The following GABBR1 variants were observed in gnomAD, a reference collection of about 807,000 sequenced individuals.
The protein encoded by GABBR1 is gamma-aminobutyric acid type B receptor subunit 1.
A neutral mutation model predicts 117.7 loss-of-function variants in GABBR1; 35 were observed. The observed-to-expected ratio is 0.30, with a 90% confidence interval of 0.23 to 0.39. The LOEUF (loss-of-function observed/expected upper bound fraction) is 0.39. Among genes scored for constraint, GABBR1 ranks in the 10% least tolerant of loss-of-function variants. GABBR1 has a pLI of 1.00. For missense variants in GABBR1, 709 were observed against 1,241.8 expected (o/e 0.57, Z 6.45); for synonymous variants, 442 against 486.6 (o/e 0.91, Z 1.21).
rs1454675802 is a variant in GABBR1 at position 29,627,093 on chromosome 6, C to T, written c.657+393G>A. On this transcript the variant is annotated intron_variant, in intron 6 of 22. Coordinates refer to ENST00000377034, the MANE Select transcript of GABBR1 (RefSeq NM_001470.4). This position sits in a 1 kb window ranked among gnomAD's most constrained non-coding sequence, Gnocchi z 4.4. ...TTGTTACCATGGTAAATGTAAACCC[C>T]CAATCCAGCTCCCCACCTCTGACAT... Among the ~76,000 whole-genome samples, 1 of 152,128 alleles carries T rather than the reference C, an allele frequency of 6.6e-6. No individual in the cohort carries two copies.
At chr6:29,615,886 G>C (rs1053305034) in intron 11 of GABBR1, among the ~76,000 whole-genome samples, 7 of 151,976 alleles carry the variant, frequency 4.6e-5, no homozygotes, top group Admixed American at 2.0e-4. Context: ...GGCCAACATG[G>C]TGAAACCCTG....
At position 29,621,437 on chromosome 6, in the gene GABBR1, G is replaced by A; in HGVS notation, c.1132-145C>T. On this transcript the variant is annotated intron_variant, in intron 10 of 22. Transcript: ENST00000377034. This position sits in a 1 kb window ranked among gnomAD's most constrained non-coding sequence, Gnocchi z 5.0. ...AATCTACAAGTCTTGGGGATAGTAGGAAAGGCTGACAATTCTTCCTTCTAA... is the reference window on the plus strand; with the variant it reads ...AATCTACAAGTCTTGGGGATAGTAGAAAAGGCTGACAATTCTTCCTTCTAA... 1.4e-6 allele frequency: 1 copy of A among 720,258 alleles called. No homozygotes were observed. The highest frequency in any genetic ancestry group is 2.3e-6 in the Non-Finnish European group (1 of 441,892). 44.6% of individuals were successfully genotyped at this position (720,258 alleles called of 1,614,324 possible). A position where few individuals can be genotyped will look rare whatever the true frequency, so the allele number is the denominator to read the frequency against.
In GABBR1 at chr6:29,623,011, C is replaced by G. The variant is rs548440121; in HGVS notation, c.963+294G>C. Among the ~76,000 whole-genome samples the G allele has an allele frequency of 2.0e-5, 3 of 152,176 alleles. No individual in the cohort carries two copies. The highest frequency in any genetic ancestry group is 2.9e-5 in the Non-Finnish European group (2 of 68,020). On this transcript the variant is annotated intron_variant, in intron 8 of 22. Coordinates refer to ENST00000377034, the MANE Select transcript of GABBR1 (RefSeq NM_001470.4). The surrounding 1 kb of genome is among the most constrained non-coding windows in gnomAD (Gnocchi z 6.2). Reference sequence around the variant, plus strand: ...CATCTTCGCTCCCATCTCTTGCCCCCACTTTGGATTGAACCTACTTTAACA... The same window carrying G: ...CATCTTCGCTCCCATCTCTTGCCCCGACTTTGGATTGAACCTACTTTAACA...
intron 6 of GABBR1, 187 bp from the exon 7 acceptor site, chr6:29,624,211 A>C: frequency 5.4e-6 from 3 of 553,548 alleles, no homozygotes; most frequent in East Asian, 3.1e-5. Flanking sequence ...CTTTCATTAA[A>C]CTTCCTTCTC....
Position 29,623,302 on chromosome 6 carries a change from C to T in GABBR1, c.963+3G>A. 6.2e-7 allele frequency: 1 copy of T among 1,612,110 alleles called. No homozygotes were observed. The highest frequency in any genetic ancestry group is 8.5e-7 in the Non-Finnish European group (1 of 1,178,434). The stretch of plus-strand genomic sequence containing the variant: ...CTTTACCCCTTGCCCAACCCCTCCT[C>T]ACCGAAGTGAAGACCTCAGTGGTCT... On this transcript the variant is annotated splice_donor_region_variant and intron_variant, in intron 8 of 22. Transcript: ENST00000377034. The surrounding 1 kb of genome is among the most constrained non-coding windows in gnomAD (Gnocchi z 6.2).
chr6:29,632,158 T>A lies in GABBR1; in HGVS notation c.85+143A>T, dbSNP rs1273218619. On this transcript the variant is annotated intron_variant, in intron 2 of 22. Transcript: ENST00000377034. This position sits in a 1 kb window ranked among gnomAD's most constrained non-coding sequence, Gnocchi z 5.8. ...GGTGACAGAAGGAGGTCAGCAGTAG[T>A]AAAGTCGGGCCGAGCAGAAGGGGTT... 5.9e-6 allele frequency: 3 copies of A among 508,608 alleles called. No homozygotes were observed. The highest frequency in any genetic ancestry group is 1.0e-5 in the Non-Finnish European group (3 of 289,776). 31.5% of individuals were successfully genotyped at this position (508,608 alleles called of 1,614,324 possible).
intron 11 of GABBR1, among the ~76,000 whole-genome samples, chr6:29,616,862 A>G (rs1210306796): frequency 1.3e-5 from 2 of 150,742 alleles, no homozygotes; most frequent in Non-Finnish European, 3.0e-5. Context: ...AAAAAAAAAA[A>G]AAAGGCTGGG....
chr6:29,619,147 G>A (rs546457624), intron 11 of GABBR1, among the ~76,000 whole-genome samples: 17 of 152,266 alleles, frequency 1.1e-4, no homozygotes, highest in East Asian at 3.9e-4. Context: ...TGGTTCTGAC[G>A]GATGTTAAAG....
chr6:29,628,178 C>T, intron 5 of GABBR1: 1 of 226,364 alleles, frequency 4.4e-6, no homozygotes, highest in South Asian at 2.2e-4. Flanking sequence ...GAGCGACAGT[C>T]GGAGGGGCGG....
At chr6:29,625,470 G>A (rs1308470515) in intron 6 of GABBR1, among the ~76,000 whole-genome samples, 1 of 152,056 alleles carries the variant, frequency 6.6e-6, no homozygotes, top group African/African-American at 2.4e-5. Context: ...TCTTGCAACC[G>A]TTTCCCTCTT....
intron 5 of GABBR1, chr6:29,628,179 G>C (rs1248295891): frequency 4.8e-5 from 35 of 731,598 alleles, no homozygotes; most frequent in South Asian, 6.4e-5. Flanking sequence ...AGCGACAGTC[G>C]GAGGGGCGGG....
At chr6:29,624,492 A>T (rs2127437593) in intron 6 of GABBR1, among the ~76,000 whole-genome samples, 1 of 151,964 alleles carries the variant, frequency 6.6e-6, no homozygotes, top group South Asian at 2.1e-4. Flanking sequence ...CCTTCTCCCC[A>T]CCTTCCATTT....
chr6:29,630,946 G>A lies in GABBR1; in HGVS notation c.290-303C>T, dbSNP rs189670323. ...TTCTCTGGCTTTGAAATATGTAGAT[G>A]TATATAACTTTGGATGCACAATCAG... On this transcript the variant is annotated intron_variant, in intron 3 of 22. Coordinates refer to ENST00000377034, the MANE Select transcript of GABBR1 (RefSeq NM_001470.4). The surrounding 1 kb of genome is among the most constrained non-coding windows in gnomAD (Gnocchi z 4.9). Among the ~76,000 whole-genome samples, 1 of 152,300 alleles carries A rather than the reference G, an allele frequency of 6.6e-6. No homozygotes were observed. The highest frequency in any genetic ancestry group is 1.9e-4 in the East Asian group (1 of 5,190).
In GABBR1 at chr6:29,620,992, C is replaced by T. The variant is rs114869753; in HGVS notation, c.1323+109G>A. On this transcript the variant is annotated intron_variant, in intron 11 of 22. Transcript: ENST00000377034. This position sits in a 1 kb window ranked among gnomAD's most constrained non-coding sequence, Gnocchi z 4.5. ...CAGGGTGGGCACAGCCCCCTCTTCT[C>T]CTTTATATCCAAATTCCGCACCCTC... 340 of 888,300 alleles carry T rather than the reference C, an allele frequency of 3.8e-4. No homozygotes were observed. In the African/African-American group the frequency reaches 5.0e-3, roughly 13 times the overall value. 55.0% of individuals were successfully genotyped at this position (888,300 alleles called of 1,614,324 possible). A position where few individuals can be genotyped will look rare whatever the true frequency, so the allele number is the denominator to read the frequency against.
At position 29,606,700 on chromosome 6, in the gene GABBR1, C is replaced by G. The variant is rs1347140538; in HGVS notation, c.2217+197G>C. 1.3e-5 allele frequency: 8 copies of G among 630,758 alleles called. No homozygotes were observed. The highest frequency in any genetic ancestry group is 7.4e-4 in the Middle Eastern group (2 of 2,688). The allele number at this position is 630,758 out of a possible 1,614,324, so 39.1% of individuals were successfully genotyped here. A position where few individuals can be genotyped will look rare whatever the true frequency, so the allele number is the denominator to read the frequency against. On this transcript the variant is annotated intron_variant, in intron 18 of 22. Transcript: ENST00000377034. This position sits in a 1 kb window ranked among gnomAD's most constrained non-coding sequence, Gnocchi z 4.5. The stretch of plus-strand genomic sequence containing the variant: ...AAGTTCTACACACCCTTCCCAGATT[C>G]CCACCCCTTCCTTTCTTCAGCTGAA...
rs1762329751 is a variant in GABBR1, at chr6:29,609,607, A to T, written c.1709-228T>A. Among the ~76,000 whole-genome samples, 1 of 152,106 alleles carries T rather than the reference A, an allele frequency of 6.6e-6. No individual in the cohort carries two copies. On this transcript the variant is annotated intron_variant, in intron 14 of 22. Transcript: ENST00000377034. The surrounding 1 kb of genome is among the most constrained non-coding windows in gnomAD (Gnocchi z 4.3). ...AACCAGAAATGAGATGAGAAGATGG[A>T]GTGAATGGTCTATCCATAGGTTGGG...
rs1367671023 is a variant in GABBR1, at chr6:29,603,674, G to A, written c.2755C>T (p.Arg919Trp). 1.3e-6 allele frequency: 2 copies of A among 1,513,056 alleles called. No individual in the cohort carries two copies. Among genetic ancestry groups the A allele is most frequent in the Non-Finnish European group, 1.8e-6 (2 of 1,134,290 alleles). The allele number at this position is 1,513,056 out of a possible 1,614,324, so 93.7% of individuals were successfully genotyped here. Residue 919 changes from arginine to tryptophan, a missense_variant, in exon 23 of 23, where the codon CGG becomes TGG. By Grantham distance (101) the Arg-to-Trp change is moderately radical. This residue lies in a region of GABBR1 where 69 missense variants were observed against 64.3 expected (regional missense o/e 1.07). Coordinates refer to ENST00000377034, the MANE Select transcript of GABBR1 (RefSeq NM_001470.4). Reference sequence around the variant, plus strand: ...TGGCGCCGGGAGCGGAGCTGCTGCCGAGACTGGAGTTGATGGCGCAGTTCA... The same window carrying A: ...TGGCGCCGGGAGCGGAGCTGCTGCCAAGACTGGAGTTGATGGCGCAGTTCA... ...VSELRHQLQS[R>W]QQLRSRRHPP...
At position 29,621,935 on chromosome 6, in the gene GABBR1, A is replaced by G; in HGVS notation, c.1066-118T>C. 1 of 1,104,968 alleles carries G rather than the reference A, an allele frequency of 9.1e-7. No individual in the cohort carries two copies. Among genetic ancestry groups the G allele is most frequent in the Non-Finnish European group, 1.4e-6 (1 of 737,576 alleles). The allele number at this position is 1,104,968 out of a possible 1,614,324, so 68.4% of individuals were successfully genotyped here. A position where few individuals can be genotyped will look rare whatever the true frequency, so the allele number is the denominator to read the frequency against. On this transcript the variant is annotated intron_variant, in intron 9 of 22. Coordinates refer to ENST00000377034, the MANE Select transcript of GABBR1 (RefSeq NM_001470.4). This position sits in a 1 kb window ranked among gnomAD's most constrained non-coding sequence, Gnocchi z 5.0. ...AAGTGCTTAGTGCAGGGTAACGCTC[A>G]ACGTATAGTGAATAAACGTCAACTG...
At chr6:29,612,677 A>G in intron 12 of GABBR1, 63 bp from the exon 13 acceptor site, 1 of 1,357,050 alleles carries the variant, frequency 7.4e-7, no homozygotes, top group Non-Finnish European at 1.1e-6. Flanking sequence ...AGAGAACATC[A>G]GGGACTCTTT....
Sources: gnomAD v4.1 joint callset for allele counts (sites outside exome capture counted in the v4.1 genomes callset) on GRCh38, gnomAD v4.1.1 for gene constraint, gnomAD v4.1.1 regional missense constraint, Gnocchi (gnomAD v3.1) non-coding constraint, MANE v1.5 for transcripts, NCBI Gene and HGNC (gene_info 2026-07-23, HGNC 2026-07-21) for gene names.